The following PROM2 variants were observed in gnomAD, a reference collection of about 807,000 sequenced individuals.
The protein encoded by PROM2 is prominin 2.
PROM2 carries 90 observed loss-of-function variants against 110.2 expected under a neutral mutation model. The observed-to-expected ratio is 0.82, with a 90% confidence interval of 0.69 to 0.97. The LOEUF (loss-of-function observed/expected upper bound fraction) is 0.97. Among genes scored for constraint, PROM2 ranks in the 50% least tolerant of loss-of-function variants. The pLI is 0.00. For synonymous variants in PROM2, 470 were observed against 467.8 expected (o/e 1.00, Z -0.06); for missense variants, 1,009 against 1,074.8 (o/e 0.94, Z 0.86).
chr2:95,284,054 T>A (rs1172016654), intron 14 of PROM2, among the ~76,000 whole-genome samples: 1 of 152,224 alleles, frequency 6.6e-6, no homozygotes, highest in African/African-American at 2.4e-5. Context: ...TCTGTGTCTC[T>A]GCCCAGAAGC....
At chr2:95,285,170 G>C in intron 15 of PROM2, 55 bp downstream of exon 15, 1 of 1,480,618 alleles carries the variant, frequency 6.8e-7, no homozygotes, top group Non-Finnish European at 9.0e-7. Context: ...TGGAACGAAG[G>C]GGCCCACAGA....
chr2:95,285,184 G>A, intron 15 of PROM2, 69 bp downstream of exon 15: 3 of 1,441,966 alleles, frequency 2.1e-6, no homozygotes, highest in Non-Finnish European at 2.8e-6. Context: ...CCACAGAGGA[G>A]CTGGGTGTGC....
At chr2:95,278,637 C>A in intron 8 of PROM2, 84 bp from the exon 9 acceptor site, 1 of 1,508,846 alleles carries the variant, frequency 6.6e-7, no homozygotes, top group Non-Finnish European at 9.2e-7. Context: ...GGGGGCCCTC[C>A]CTCTAGGCCT....
intron 14 of PROM2, among the ~76,000 whole-genome samples, chr2:95,282,723 G>A (rs967051835): frequency 3.3e-5 from 5 of 152,174 alleles, no homozygotes; most frequent in African/African-American, 9.7e-5. Flanking sequence ...AACTTGGTGT[G>A]TAGAACTGGA....
In PROM2 at chr2:95,274,663, G is replaced by A. The variant is rs1283848301; in HGVS notation, c.78G>A (p.Gly26=). The change falls in exon 1 of 24, where the codon GGG becomes GGA. Residue 26 remains glycine, a synonymous_variant. Coordinates refer to ENST00000317620, the MANE Select transcript of PROM2 (RefSeq NM_001165978.3). The stretch of plus-strand genomic sequence containing the variant: ...TGGCCCTGAGTCAGCTGGCTGCAGG[G>A]GCCACAGACTGCAAGTTCCTTGGCC... ...LGLALSQLAA[G]ATDCKFLGPA... 1 of 1,612,264 alleles carries A rather than the reference G, an allele frequency of 6.2e-7. No individual in the cohort carries two copies. Among genetic ancestry groups the A allele is most frequent in the East Asian group, 2.2e-5 (1 of 44,854 alleles).
rs535540217 is a variant in PROM2, at chr2:95,284,034, C to G, written c.1729-935C>G. On this transcript the variant is annotated intron_variant, in intron 14 of 23. Coordinates refer to ENST00000317620, the MANE Select transcript of PROM2 (RefSeq NM_001165978.3). ...GAGAGAGCTATTTTATTTCAGGTGG[C>G]CAGGGAAGGTCTGTGTCTCTGCCCA... is the stretch of plus-strand genomic sequence containing the variant. 5.0e-4 allele frequency among the ~76,000 whole-genome samples: 76 copies of G among 152,332 alleles called. No homozygotes were observed. The East Asian group carries it at 0.014, about 28-fold the overall frequency.
At position 95,285,126 on chromosome 2, in the gene PROM2, G is replaced by A. The variant is rs751125060; in HGVS notation, c.1875+11G>A. The A allele has an allele frequency of 1.9e-6, 3 of 1,551,352 alleles. No individual in the cohort carries two copies. The highest frequency in any genetic ancestry group is 2.6e-6 in the Non-Finnish European group (3 of 1,145,386). Reference sequence around the variant, plus strand: ...GACTTCCTCGTTCAGGTCAGCGGTGGGCACCTCAGCAGGGCTTCCTCAGCA... The same window carrying A: ...GACTTCCTCGTTCAGGTCAGCGGTGAGCACCTCAGCAGGGCTTCCTCAGCA... On this transcript the variant is annotated intron_variant, in intron 15 of 23. Coordinates refer to ENST00000317620, the MANE Select transcript of PROM2 (RefSeq NM_001165978.3).
At chr2:95,287,007 G>C in intron 18 of PROM2, 126 bp from the exon 19 acceptor site, 1 of 1,251,402 alleles carries the variant, frequency 8.0e-7, no homozygotes, top group East Asian at 2.4e-5. Flanking sequence ...GAGCCTGGGG[G>C]ATCACCACCC....
At position 95,279,010 on chromosome 2, in the gene PROM2, GC is replaced by G. The variant is rs1360887477; in HGVS notation, c.1142del (p.Pro381ArgfsTer4). 1.9e-6 allele frequency: 3 copies of G among 1,608,942 alleles called. No homozygotes were observed. In the African/African-American group the frequency reaches 4.0e-5, roughly 21 times the overall value. ...QELKKAVAQQ[P>X]EGVRTLAEGF... ...AGCTGAAGAAGGCAGTGGCCCAGCA[GC>G]CGGAAGGGGTGAGGACACTGGCTGA... On this transcript the variant is annotated frameshift_variant, in exon 10 of 24. Transcript: ENST00000317620. LOFTEE classifies it high-confidence loss of function.
At chr2:95,286,957 G>C (rs1677398408) in intron 18 of PROM2, 100 bp downstream of exon 18, 1 of 1,421,088 alleles carries the variant, frequency 7.0e-7, no homozygotes, top group Non-Finnish European at 9.8e-7. Context: ...GCTCTGCCCA[G>C]GTTGCAGGTG....
intron 11 of PROM2, among the ~76,000 whole-genome samples, chr2:95,280,333 A>G (rs1272935614): frequency 3.3e-5 from 5 of 152,190 alleles, no homozygotes; most frequent in Admixed American, 6.5e-5. Context: ...AGGCTGCCAC[A>G]TACAGTTGTA....
At position 95,284,976 on chromosome 2, in the gene PROM2, A is replaced by G. The variant is rs1043151661; in HGVS notation, c.1736A>G (p.Asn579Ser). Residue 579 changes from asparagine (N) to serine (S), a missense_variant, in exon 15 of 24, where the codon AAC (asparagine) becomes AGC (serine). Asn to Ser is a conservative substitution (Grantham distance 46, BLOSUM62 1). Transcript: ENST00000317620. ...EEHLDINQYT[N>S]KLRQELQSLK... ...CTGCGCCTGCTCTCCCAGTATACCA[A>G]CAAGCTACGGCAGGAGTTGCAGAGC... 1 of 1,610,462 alleles carries G rather than the reference A, an allele frequency of 6.2e-7. No homozygotes were observed. The highest frequency in any genetic ancestry group is 8.5e-7 in the Non-Finnish European group (1 of 1,178,232).
At chr2:95,279,724 T>G (rs1676928546) in intron 10 of PROM2, 121 bp from the exon 11 acceptor site, 1 of 757,030 alleles carries the variant, frequency 1.3e-6, no homozygotes, top group Non-Finnish European at 1.9e-6. Flanking sequence ...AGTCTGTATC[T>G]GCATTTCTGA....
rs767060031 is a variant in PROM2 at position 95,276,341 on chromosome 2, C to T, written c.612C>T (p.Val204=). ...GCCTCTGGGGCCTGGTCTCTGATGT[C>T]CCCCAAGTGAGCACTGTTACCCCTC... ...LLSLWGLVSD[V]PQELQAVAQQ... Residue 204 remains valine (V), a synonymous_variant, in exon 4 of 24, where the codon GTC becomes GTT. Coordinates refer to ENST00000317620, the MANE Select transcript of PROM2 (RefSeq NM_001165978.3). The surrounding 1 kb of genome is among the most constrained non-coding windows in gnomAD (Gnocchi z 4.6). 6.2e-7 allele frequency: 1 copy of T among 1,613,338 alleles called. No homozygotes were observed. Among genetic ancestry groups the T allele is most frequent in the Non-Finnish European group, 8.5e-7 (1 of 1,179,898 alleles).
chr2:95,286,615 G>T (rs2104142431), intron 17 of PROM2, 44 bp downstream of exon 17: 3 of 1,547,608 alleles, frequency 1.9e-6, no homozygotes, highest in Non-Finnish European at 1.8e-6. Flanking sequence ...GGGGAGGGGA[G>T]ACGTGGAGAG....
chr2:95,279,903 C>T lies in PROM2; in HGVS notation c.1333C>T (p.Leu445=), dbSNP rs752630768. 60 of 1,560,806 alleles carry T rather than the reference C, an allele frequency of 3.8e-5. No individual in the cohort carries two copies. Among genetic ancestry groups the T allele is most frequent in the Non-Finnish European group, 4.9e-5 (56 of 1,151,564 alleles). Residue 445 remains leucine, a synonymous_variant, in exon 11 of 24, where the codon CTG becomes TTG. Coordinates refer to ENST00000317620, the MANE Select transcript of PROM2 (RefSeq NM_001165978.3). ...VVLFVVLCNL[L]GLNLGIWGLS... is the part of the protein sequence containing the mutation. The stretch of plus-strand genomic sequence containing the variant: ...CCTATTCGTGGTGCTCTGCAACCTG[C>T]TGGGCCTCAATCTGGGCATCTGGGG...
At chr2:95,284,801 A>G (rs537344335) in intron 14 of PROM2, among the ~76,000 whole-genome samples, 168 bp from the exon 15 acceptor site, 1 of 152,318 alleles carries the variant, frequency 6.6e-6, no homozygotes, top group Admixed American at 6.5e-5. Context: ...AGTACCTCCC[A>G]CCAGGCCCAC....
At chr2:95,281,593 C>A (rs1320634181) in intron 12 of PROM2, among the ~76,000 whole-genome samples, 1 of 152,082 alleles carries the variant, frequency 6.6e-6, no homozygotes, top group Non-Finnish European at 1.5e-5. Flanking sequence ...GGGCAGGGAC[C>A]CTGAGAGATG....
chr2:95,288,439 G>A (rs753602036), intron 21 of PROM2, 44 bp from the exon 22 acceptor site: 6 of 1,598,046 alleles, frequency 3.8e-6, no homozygotes, highest in Admixed American at 3.3e-5. Context: ...GGGTGAGGCT[G>A]GGTGCCACGT....
Sources: gnomAD v4.1 joint callset for allele counts (sites outside exome capture counted in the v4.1 genomes callset) on GRCh38, gnomAD v4.1.1 for gene constraint, Gnocchi (gnomAD v3.1) non-coding constraint, MANE v1.5 for transcripts, NCBI Gene and HGNC (gene_info 2026-07-23, HGNC 2026-07-21) for gene names.